Variants in RAPGEF1 observed in about 807,000 individuals in gnomAD.
RAPGEF1 encodes CRK SH3-binding GNRP.
Under a neutral mutation model 143.3 loss-of-function variants are expected in RAPGEF1, and 33 were observed. The observed-to-expected ratio is 0.23, with a 90% confidence interval of 0.17 to 0.31. The LOEUF (loss-of-function observed/expected upper bound fraction) is 0.31. Among genes scored for constraint, RAPGEF1 ranks in the 10% least tolerant of loss-of-function variants. RAPGEF1 has a pLI of 1.00. For missense variants in RAPGEF1, 1,199 were observed against 1,645.4 expected (o/e 0.73, Z 4.69); for synonymous variants, 629 against 676.5 (o/e 0.93, Z 1.09).
chr9:131,588,072 G>T, intron 20 of RAPGEF1, 46 bp from the exon 21 acceptor site: 1 of 1,513,284 alleles, frequency 6.6e-7, no homozygotes, highest in East Asian at 2.3e-5. Flanking sequence ...TGGGGAGGCC[G>T]GTGGGGAGGG....
chr9:131,607,048 C>T (rs1012998336), intron 12 of RAPGEF1, among the ~76,000 whole-genome samples: 2 of 152,160 alleles, frequency 1.3e-5, no homozygotes, highest in African/African-American at 4.8e-5. Flanking sequence ...CTGCACTGAC[C>T]AGAGTTTCAA....
intron 17 of RAPGEF1, among the ~76,000 whole-genome samples, chr9:131,594,257 T>C (rs1954859407): frequency 6.6e-6 from 1 of 152,200 alleles, no homozygotes; most frequent in Non-Finnish European, 1.5e-5. Flanking sequence ...GCGCCCTGGC[T>C]CACCTGGTCT....
chr9:131,707,785 G>C (rs1246329935), intron 1 of RAPGEF1, among the ~76,000 whole-genome samples: 8 of 152,184 alleles, frequency 5.3e-5, no homozygotes, highest in African/African-American at 9.7e-5. Context: ...ATCACAGAGT[G>C]ATTATGATTT....
chr9:131,640,430 G>C (rs1967583015), intron 4 of RAPGEF1, among the ~76,000 whole-genome samples: 1 of 152,218 alleles, frequency 6.6e-6, no homozygotes, highest in Non-Finnish European at 1.5e-5. Context: ...GGAAGGTGCT[G>C]GAATTATGTC....
chr9:131,663,598 C>T (rs999238202), intron 1 of RAPGEF1, among the ~76,000 whole-genome samples: 2 of 152,078 alleles, frequency 1.3e-5, no homozygotes, highest in Admixed American at 1.3e-4. Flanking sequence ...TGAAAAGTGC[C>T]TGCCAGTTGT....
Position 131,597,891 on chromosome 9 carries a change from T to C in RAPGEF1, c.2613+308A>G, listed in dbSNP as rs78351230. On this transcript the variant is annotated intron_variant, in intron 16 of 26. Coordinates refer to ENST00000683357, the MANE Select transcript of RAPGEF1 (RefSeq NM_001377935.1). Reference sequence around the variant, plus strand: ...GTGAGGGCCGGCCACATGCAGGCTCTGTCTGCAGAGCATTTACAGGGGTTC... The same window carrying C: ...GTGAGGGCCGGCCACATGCAGGCTCCGTCTGCAGAGCATTTACAGGGGTTC... Among the ~76,000 whole-genome samples the C allele has an allele frequency of 8.4e-3, 1,287 of 152,314 alleles. 16 individuals carry two copies. Among genetic ancestry groups the C allele is most frequent in the African/African-American group, 0.029 (1,226 of 41,580 alleles).
chr9:131,737,193 T>C (rs187028310), intron 1 of RAPGEF1, among the ~76,000 whole-genome samples: 47 of 152,334 alleles, frequency 3.1e-4, no homozygotes, highest in African/African-American at 1.1e-3. Flanking sequence ...GACCCTGGTC[T>C]TGCCAATCTC....
intron 17 of RAPGEF1, among the ~76,000 whole-genome samples, chr9:131,595,519 C>T (rs1955102925): frequency 6.6e-6 from 1 of 152,178 alleles, no homozygotes; most frequent in South Asian, 2.1e-4. Flanking sequence ...ATTTACTTCA[C>T]CATTGCTCTG....
Position 131,655,278 on chromosome 9 carries a change from T to C in RAPGEF1, c.62-4329A>G, listed in dbSNP as rs1008434321. On this transcript the variant is annotated intron_variant, in intron 1 of 26. Coordinates refer to ENST00000683357, the MANE Select transcript of RAPGEF1 (RefSeq NM_001377935.1). This position sits in a 1 kb window ranked among gnomAD's most constrained non-coding sequence, Gnocchi z 4.1. ...TGGTCAAACCAAACAGCTTCACAGC[T>C]GTGTGATGGCCAGAGCTGCAGAAAG... 2.6e-5 allele frequency among the ~76,000 whole-genome samples: 4 copies of C among 152,240 alleles called. No homozygotes were observed. Among genetic ancestry groups the C allele is most frequent in the East Asian group, 1.9e-4 (1 of 5,202 alleles).
At chr9:131,671,330 C>A (rs757150613) in intron 1 of RAPGEF1, among the ~76,000 whole-genome samples, 1 of 152,226 alleles carries the variant, frequency 6.6e-6, no homozygotes, top group East Asian at 1.9e-4. Context: ...GGAGGAGGCA[C>A]GGGCCACACG....
rs1244401112 is a variant in RAPGEF1, at chr9:131,603,994, G to A, written c.2379C>T (p.Gly793=). 1 of 1,338,406 alleles carries A rather than the reference G, an allele frequency of 7.5e-7. No homozygotes were observed. Among genetic ancestry groups the A allele is most frequent in the East Asian group, 4.8e-5 (1 of 20,898 alleles). 82.9% of individuals were successfully genotyped at this position (1,338,406 alleles called of 1,614,324 possible). Residue 793 remains glycine, a synonymous_variant, in exon 14 of 27, where the codon GGC becomes GGT. Coordinates refer to ENST00000683357, the MANE Select transcript of RAPGEF1 (RefSeq NM_001377935.1). ...EGEYVNLYSS[G]QSSEELAPSR... is the part of the protein sequence containing the mutation. ...AGGGAGCCAGCTCCTCGCTGCTCTG[G>A]CCAGAGGAATACAGATTGACATATT...
intron 1 of RAPGEF1, among the ~76,000 whole-genome samples, chr9:131,702,876 C>A (rs559317726): frequency 1.3e-5 from 2 of 152,248 alleles, no homozygotes; most frequent in South Asian, 2.1e-4. Flanking sequence ...GTTATTAAGA[C>A]CACATAGAAG....
chr9:131,719,690 T>C (rs1310797927), intron 1 of RAPGEF1, among the ~76,000 whole-genome samples: 1 of 151,604 alleles, frequency 6.6e-6, no homozygotes, highest in Non-Finnish European at 1.5e-5. Flanking sequence ...CGTGGTTGCA[T>C]TAGATCCTCA....
At chr9:131,593,811 T>G (rs1449320365) in intron 17 of RAPGEF1, among the ~76,000 whole-genome samples, 1 of 152,174 alleles carries the variant, frequency 6.6e-6, no homozygotes, top group African/African-American at 2.4e-5. Context: ...AAGCTTGGAT[T>G]TTTGTTCAAA....
intron 1 of RAPGEF1, among the ~76,000 whole-genome samples, chr9:131,658,961 G>A (rs947236627): frequency 1.3e-5 from 2 of 152,164 alleles, no homozygotes; most frequent in African/African-American, 4.8e-5. Flanking sequence ...AGGGATGGTG[G>A]GGAGTCTCTA....
chr9:131,579,275 C>T lies in RAPGEF1; in HGVS notation c.*222G>A. 1.7e-6 allele frequency: 1 copy of T among 574,354 alleles called. No homozygotes were observed. The highest frequency in any genetic ancestry group is 3.0e-6 in the Non-Finnish European group (1 of 330,658). The allele number at this position is 574,354 out of a possible 1,614,324, so 35.6% of individuals were successfully genotyped here. A position where few individuals can be genotyped will look rare whatever the true frequency, so the allele number is the denominator to read the frequency against. On this transcript the variant is annotated 3_prime_UTR_variant, in exon 27 of 27. Transcript: ENST00000683357. ...GTTTGTAAATTGGCAACAAGACCTGCCTGCTGGCTGCCCTGAGGCCCACGG... is the reference window on the plus strand; with the variant it reads ...GTTTGTAAATTGGCAACAAGACCTGTCTGCTGGCTGCCCTGAGGCCCACGG...
chr9:131,731,717 T>C (rs568749175), intron 1 of RAPGEF1, among the ~76,000 whole-genome samples: 26 of 152,386 alleles, frequency 1.7e-4, no homozygotes, highest in South Asian at 1.4e-3. Flanking sequence ...CACAGCATCC[T>C]GTGCTCAGTG....
chr9:131,657,939 A>T (rs1051198388), intron 1 of RAPGEF1, among the ~76,000 whole-genome samples: 5 of 152,224 alleles, frequency 3.3e-5, no homozygotes, highest in Non-Finnish European at 7.3e-5. Context: ...TTTTTTACTC[A>T]ATAGCAGGCC....
At position 131,588,814 on chromosome 9, in the gene RAPGEF1, C is replaced by G. The variant is rs539844465; in HGVS notation, c.3040G>C (p.Gly1014Arg). The change falls in exon 20 of 27, where the codon GGG becomes CGG. Residue 1014 changes from glycine to arginine, a missense_variant. Transcript: ENST00000683357. ...TGGGCTTCTCACCTGGCTGCTACCC[C>G]CCGGGCTGCCAGGGGCTGGCTGGAG... ...ATSSQPLAAR[G>R]VAARPGTLHD... 18 of 1,612,700 alleles carry G rather than the reference C, an allele frequency of 1.1e-5. No homozygotes were observed. The Admixed American group carries it at 2.2e-4, about 19-fold the overall frequency.
Sources: gnomAD v4.1 joint callset for allele counts (sites outside exome capture counted in the v4.1 genomes callset) on GRCh38, gnomAD v4.1.1 for gene constraint, Gnocchi (gnomAD v3.1) non-coding constraint, MANE v1.5 for transcripts, NCBI Gene and HGNC (gene_info 2026-07-23, HGNC 2026-07-21) for gene names.